Variants in ASB7 observed in about 807,000 individuals in gnomAD.
ASB7 encodes the protein ankyrin repeat and SOCS box containing 7, also known as ankyrin repeat and SOCS box protein 7.
Under a neutral mutation model 32.5 loss-of-function variants are expected in ASB7, and 4 were observed. That is an observed-to-expected ratio of 0.12 (90% confidence interval 0.06 to 0.28). The LOEUF (loss-of-function observed/expected upper bound fraction) is 0.28, where lower values mean the gene tolerates loss of function less well. Among genes scored for constraint, ASB7 ranks in the 10% least tolerant of loss-of-function variants. The pLI is 1.00. For missense variants in ASB7, 181 were observed against 407.1 expected (o/e 0.44, Z 4.78); for synonymous variants, 172 against 155.6 (o/e 1.11, Z -0.78).
intron 4 of ASB7, among the ~76,000 whole-genome samples, chr15:100,614,285 A>G (rs541602436): frequency 3.3e-5 from 5 of 151,694 alleles, no homozygotes; most frequent in East Asian, 1.9e-4. Context: ...AAAAAAAAAA[A>G]AAAGAAAGAA....
rs544004794 is a variant in ASB7 at position 100,619,864 on chromosome 15, C to T, written c.211+7437C>T. On this transcript the variant is annotated intron_variant, in intron 4 of 5. Transcript: ENST00000332783. ...TGGAGAAATCCGTTGAGAAAATGAG[C>T]GAGTCTGAGTCGAGTAAATGATACT... 2.0e-4 allele frequency among the ~76,000 whole-genome samples: 30 copies of T among 152,256 alleles called. 1 individual carries two copies. The South Asian group carries it at 5.8e-3, about 29-fold the overall frequency.
At chr15:100,609,933 C>T (rs2039680709) in intron 3 of ASB7, 105 bp downstream of exon 3, 1 of 152,206 alleles carries the variant, frequency 6.6e-6, no homozygotes, top group African/African-American at 2.4e-5. Flanking sequence ...ATACACCACT[C>T]ACTAAAGAAA....
In ASB7 at chr15:100,629,570, T is replaced by C; in HGVS notation, c.345T>C (p.Asn115=). 6.2e-7 allele frequency: 1 copy of C among 1,614,228 alleles called. No individual in the cohort carries two copies. Among genetic ancestry groups the C allele is most frequent in the Non-Finnish European group, 8.5e-7 (1 of 1,180,050 alleles). The change falls in exon 5 of 6, where the codon AAT becomes AAC. Residue 115 remains asparagine (N), a synonymous_variant. Transcript: ENST00000332783. This position sits in a 1 kb window ranked among gnomAD's most constrained non-coding sequence, Gnocchi z 6.8. ...YRSDIINAKS[N]DGWTPLHVAA... ...GCGACATCATTAATGCAAAAAGCAA[T>C]GACGGCTGGACTCCCCTCCATGTGG...
chr15:100,605,659 C>T (rs2039638624), intron 2 of ASB7, among the ~76,000 whole-genome samples: 1 of 152,194 alleles, frequency 6.6e-6, no homozygotes, highest in South Asian at 2.1e-4. Context: ...ATCATAATCC[C>T]CTGAATGCCC....
At chr15:100,603,647 C>T (rs1186722397) in intron 2 of ASB7, among the ~76,000 whole-genome samples, 1 of 152,108 alleles carries the variant, frequency 6.6e-6, no homozygotes, top group Non-Finnish European at 1.5e-5. Context: ...ATAGGAATTC[C>T]TCAATTCCTT....
At chr15:100,636,667 T>C (rs951910195) in intron 5 of ASB7, among the ~76,000 whole-genome samples, 1 of 152,232 alleles carries the variant, frequency 6.6e-6, no homozygotes, top group South Asian at 2.1e-4. Context: ...AGTCCCCAAG[T>C]CCCTCCGTTT....
At chr15:100,625,261 G>A (rs35367063) in intron 4 of ASB7, among the ~76,000 whole-genome samples, 45,461 of 152,044 alleles carry the variant, frequency 0.3, 8,127 homozygotes, top group South Asian at 0.43. Context: ...GTAATCAAGG[G>A]TCATGAATTG....
chr15:100,644,827 AGT>A (rs3084805), intron 5 of ASB7, among the ~76,000 whole-genome samples: 83,996 of 151,896 alleles, frequency 0.55, 24,505 homozygotes, highest in African/African-American at 0.7. Context: ...GAGGCACATG[AGT>A]GTGTGTGTGT....
intron 5 of ASB7, among the ~76,000 whole-genome samples, chr15:100,634,956 G>A (rs1176932597): frequency 6.6e-6 from 1 of 152,238 alleles, no homozygotes; most frequent in African/African-American, 2.4e-5. Flanking sequence ...TGGAAAGGAG[G>A]CGGTGTCTGA....
At chr15:100,638,008 A>G (rs1464539075) in intron 5 of ASB7, among the ~76,000 whole-genome samples, 1 of 141,146 alleles carries the variant, frequency 7.1e-6, no homozygotes, top group African/African-American at 2.7e-5. Flanking sequence ...ATTTTTTCTT[A>G]TTTTAAGTGA....
chr15:100,637,265 C>A (rs1308151112), intron 5 of ASB7, among the ~76,000 whole-genome samples: 2 of 152,142 alleles, frequency 1.3e-5, no homozygotes, highest in African/African-American at 2.4e-5. Flanking sequence ...CCGTTTAGTC[C>A]TGGGTATTTG....
At chr15:100,610,777 A>C (rs1268196938) in intron 3 of ASB7, among the ~76,000 whole-genome samples, 2 of 152,252 alleles carry the variant, frequency 1.3e-5, no homozygotes, top group Non-Finnish European at 2.9e-5. Context: ...TCTAACCTAC[A>C]TATGAGAACA....
intron 5 of ASB7, among the ~76,000 whole-genome samples, chr15:100,643,477 C>CTTTT (rs1172063471): frequency 1.1e-4 from 11 of 104,398 alleles, no homozygotes; most frequent in South Asian, 3.4e-4. Flanking sequence ...GTCCCTTCTT[C>CTTTT]TTTTTTTTTT....
At position 100,634,930 on chromosome 15, in the gene ASB7, C is replaced by T. The variant is rs567409925; in HGVS notation, c.817+4888C>T. 8.5e-5 allele frequency among the ~76,000 whole-genome samples: 13 copies of T among 152,326 alleles called. No homozygotes were observed. The South Asian group carries it at 2.5e-3, about 29-fold the overall frequency. On this transcript the variant is annotated intron_variant, in intron 5 of 5. Coordinates refer to ENST00000332783, the MANE Select transcript of ASB7 (RefSeq NM_198243.3). ...ATAGCAGTAAACAGGATGGCTCCCT[C>T]CTGGAGAATGCCCCCTGGAAAGGAG...
intron 4 of ASB7, among the ~76,000 whole-genome samples, chr15:100,616,925 C>T (rs1185386636): frequency 1.3e-5 from 2 of 152,226 alleles, no homozygotes; most frequent in African/African-American, 2.4e-5. Flanking sequence ...GGCTCATAGA[C>T]ATCGCCAGCA....
At position 100,612,249 on chromosome 15, in the gene ASB7, G is replaced by A. The variant is rs753093114; in HGVS notation, c.33G>A (p.Glu11=). Residue 11 remains glutamate (E), a synonymous_variant, in exon 4 of 6, where the codon GAG becomes GAA. Transcript: ENST00000332783. ...ACCATCATTGTCGAAGGAACCCTGA[G>A]CTCCAGGAAGAGTTGCAGATTCAGG... is the stretch of plus-strand genomic sequence containing the variant. MLHHHCRRNP[E]LQEELQIQAA... 4 of 1,614,104 alleles carry A rather than the reference G, an allele frequency of 2.5e-6. No homozygotes were observed. In the South Asian group the frequency reaches 4.4e-5, roughly 18 times the overall value.
In ASB7 at chr15:100,629,380, A is replaced by G; in HGVS notation, c.212-57A>G. ...GGCCACAGTTTGCTGTGCCATGGTA[A>G]TGTTTGTTGTTTTGTCTTGGAGTCT... On this transcript the variant is annotated intron_variant, in intron 4 of 5. Transcript: ENST00000332783. This position sits in a 1 kb window ranked among gnomAD's most constrained non-coding sequence, Gnocchi z 6.8. 6.9e-7 allele frequency: 1 copy of G among 1,443,296 alleles called. No homozygotes were observed. The highest frequency in any genetic ancestry group is 1.4e-5 in the African/African-American group (1 of 70,768). 89.4% of individuals were successfully genotyped at this position (1,443,296 alleles called of 1,614,324 possible). A position where few individuals can be genotyped will look rare whatever the true frequency, so the allele number is the denominator to read the frequency against.
At chr15:100,645,530 G>T in intron 5 of ASB7, 1 of 664,034 alleles carries the variant, frequency 1.5e-6, no homozygotes, top group Non-Finnish European at 2.9e-6. Context: ...TTCATGAGCA[G>T]CCACATCATA....
chr15:100,638,990 A>G (rs2039943625), intron 5 of ASB7, among the ~76,000 whole-genome samples: 1 of 152,136 alleles, frequency 6.6e-6, no homozygotes, highest in Admixed American at 6.5e-5. Context: ...AAGTCAGAGA[A>G]TACGCTAGTT....
Sources: allele counts gnomAD v4.1 joint callset (sites outside exome capture counted in the v4.1 genomes callset), GRCh38; gene constraint gnomAD v4.1.1; non-coding constraint Gnocchi (gnomAD v3.1); transcripts MANE v1.5; gene names NCBI Gene and HGNC (gene_info 2026-07-23, HGNC 2026-07-21).